REEP5: variants seen among roughly 807,000 people sequenced by gnomAD.
REEP5 encodes the protein receptor accessory protein 5.
In REEP5, 24 loss-of-function variants were observed where a neutral mutation model predicts 22.4. That is an observed-to-expected ratio of 1.07 (90% CI 0.78 to 1.51). The LOEUF is 1.51. Ranked by LOEUF, REEP5 falls within the 40% of genes most tolerant of loss-of-function variation. The pLI, the probability that REEP5 is intolerant of heterozygous loss-of-function variation, is 0.00. For missense variants in REEP5, 252 were observed against 233.0 expected, an observed-to-expected ratio of 1.08 and a Z score of -0.53; for synonymous variants, 103 against 88.6, an observed-to-expected ratio of 1.16 and a Z score of -0.92.
At chr5:112,894,261 A>T (rs1768606545) in intron 3 of REEP5, 1 of 152,080 alleles carries the variant, frequency 6.6e-6, no homozygotes, top group East Asian at 1.9e-4. Flanking sequence ...CTGGTACTAC[A>T]GGCGCATGCC....
intron 2 of REEP5, among the ~76,000 whole-genome samples, chr5:112,905,146 C>G (rs1223146182): frequency 6.6e-6 from 1 of 151,890 alleles, no homozygotes; most frequent in African/African-American, 2.4e-5. Context: ...CTACCCAAAA[C>G]AAGAAAAAAG....
intron 2 of REEP5, among the ~76,000 whole-genome samples, chr5:112,905,874 C>T (rs576655932): frequency 6.6e-6 from 1 of 152,256 alleles, no homozygotes; most frequent in East Asian, 1.9e-4. Flanking sequence ...CCTCCTGCCT[C>T]AGCCTCCCAA....
intron 4 of REEP5, among the ~76,000 whole-genome samples, chr5:112,879,338 T>TG (rs1580725553): frequency 0.025 from 51 of 2,048 alleles, no homozygotes; most frequent in East Asian, 0.18. Context: ...GGGGGGGGGC[T>TG]GGGGGGGCGG....
intron 3 of REEP5, chr5:112,892,615 C>T (rs1768514133): frequency 6.2e-7 from 1 of 1,614,034 alleles, no homozygotes; most frequent in Non-Finnish European, 8.5e-7. Context: ...ACAACAATGT[C>T]CAAGAGGAAA....
At chr5:112,919,266 G>A (rs1580758001) in intron 2 of REEP5, among the ~76,000 whole-genome samples, 2 of 152,116 alleles carry the variant, frequency 1.3e-5, no homozygotes, top group Non-Finnish European at 2.9e-5. Context: ...ATGAGGGCTT[G>A]GCCAGGTGTG....
rs114443473 is a variant in REEP5, at chr5:112,905,265, G to C, written c.213-2747C>G. 8.3e-3 allele frequency among the ~76,000 whole-genome samples: 1,266 copies of C among 152,258 alleles called. 18 individuals are homozygous for C. Among genetic ancestry groups the C allele is most frequent in the African/African-American group, 0.029 (1,185 of 41,548 alleles). ...GCTTAAAACTGAGGTTTCTGGCCGGGCACAATGGCTCACACCTGTAGTCCC... is the reference window on the plus strand; with the variant it reads ...GCTTAAAACTGAGGTTTCTGGCCGGCCACAATGGCTCACACCTGTAGTCCC... On this transcript the variant is annotated intron_variant, in intron 2 of 4. Transcript: ENST00000379638.
chr5:112,891,918 AAAG>A (rs1379914058), intron 3 of REEP5: 1 of 1,292,350 alleles, frequency 7.7e-7, no homozygotes, highest in Non-Finnish European at 1.1e-6. Context: ...AATTCAGAAT[AAAG>A]AAGGAAAAGG....
intron 2 of REEP5, among the ~76,000 whole-genome samples, chr5:112,904,687 C>T (rs545440635): frequency 2.2e-4 from 34 of 152,294 alleles, no homozygotes; most frequent in African/African-American, 8.2e-4. Flanking sequence ...GACATCTTCA[C>T]ATAAAAATAT....
chr5:112,899,629 A>T (rs1273008961), intron 3 of REEP5, among the ~76,000 whole-genome samples: 3 of 152,192 alleles, frequency 2.0e-5, no homozygotes. Flanking sequence ...GACAACAAAA[A>T]ATGCTGCCAT....
At chr5:112,921,829 CCAGCTGCCAGCGCCCGGCGCCG>C (rs1769379478) in intron 1 of REEP5, 2 of 401,874 alleles carry the variant, frequency 5.0e-6, no homozygotes, top group Non-Finnish European at 8.9e-6. Flanking sequence ...GCTGGCCCTT[CCAGCTGCCAGCGCCCGGCGCCG>C]CAGCTGCCCT....
intron 4 of REEP5, among the ~76,000 whole-genome samples, chr5:112,884,538 C>T (rs753848859): frequency 1.3e-5 from 2 of 151,896 alleles, no homozygotes; most frequent in South Asian, 2.1e-4. Context: ...TCACAACGTC[C>T]GGCTAATTTT....
intron 2 of REEP5, among the ~76,000 whole-genome samples, chr5:112,918,213 G>A (rs559068128): frequency 2.0e-5 from 3 of 152,152 alleles, no homozygotes; most frequent in Non-Finnish European, 4.4e-5. Flanking sequence ...TGTTCTCAAA[G>A]AGCTCAAAGG....
chr5:112,879,155 G>C (rs1244202547), intron 4 of REEP5, among the ~76,000 whole-genome samples: 1 of 152,144 alleles, frequency 6.6e-6, no homozygotes, highest in African/African-American at 2.4e-5. Flanking sequence ...GATTCCTTAA[G>C]AGTAGTGTTC....
chr5:112,921,711 A>C (rs1769373723), intron 1 of REEP5: 1 of 238,088 alleles, frequency 4.2e-6, no homozygotes, highest in South Asian at 6.4e-5. Flanking sequence ...GTCGGGTAGG[A>C]CCGGGTACCT....
intron 2 of REEP5, among the ~76,000 whole-genome samples, chr5:112,911,014 C>A (rs1459722961): frequency 6.6e-6 from 1 of 152,168 alleles, no homozygotes; most frequent in Non-Finnish European, 1.5e-5. Context: ...CCATGTGACA[C>A]AGTTCTGACC....
intron 4 of REEP5, among the ~76,000 whole-genome samples, chr5:112,883,645 A>G (rs1768143482): frequency 6.6e-6 from 1 of 152,096 alleles, no homozygotes; most frequent in Non-Finnish European, 1.5e-5. Flanking sequence ...GTGGCCCCCA[A>G]ATTTATATCT....
rs1220124897 is a variant in REEP5, at chr5:112,902,363, T to C, written c.351+17A>G. ...AGGTACTGAGATGGAGTTTTAGTGG[T>C]AGCAAGACCAACATACCTTCAGCAT... On this transcript the variant is annotated intron_variant, in intron 3 of 4. Transcript: ENST00000379638. The C allele has an allele frequency of 1.9e-6, 3 of 1,599,294 alleles. No individual in the cohort carries two copies. Among genetic ancestry groups the C allele is most frequent in the East Asian group, 2.2e-5 (1 of 44,738 alleles).
At chr5:112,891,013 T>C (rs562055680) in intron 3 of REEP5, among the ~76,000 whole-genome samples, 10 of 150,932 alleles carry the variant, frequency 6.6e-5, no homozygotes, top group Admixed American at 2.0e-4. Flanking sequence ...CAGGAGAACA[T>C]GTTAGCTTTC....
intron 3 of REEP5, chr5:112,895,523 C>G (rs1768655729): frequency 6.6e-6 from 1 of 152,118 alleles, no homozygotes; most frequent in Admixed American, 6.6e-5. Context: ...TGTACCTCTT[C>G]AATGTGATTA....
Sources: gnomAD v4.1 joint callset for allele counts (sites outside exome capture counted in the v4.1 genomes callset) on GRCh38, gnomAD v4.1.1 for gene constraint, MANE v1.5 for transcripts, NCBI Gene and HGNC (gene_info 2026-07-23, HGNC 2026-07-21) for gene names.